MAGI1: variants seen among roughly 807,000 people sequenced by gnomAD.
MAGI1 encodes membrane associated guanylate kinase, WW and PDZ domain containing 1.
A neutral mutation model predicts 139.9 loss-of-function variants in MAGI1; 58 were observed. The observed-to-expected ratio is 0.41, with a 90% CI of 0.34 to 0.52. The LOEUF (loss-of-function observed/expected upper bound fraction) is 0.52, where lower values mean the gene tolerates loss of function less well. Among genes scored for constraint, MAGI1 ranks in the 20% least tolerant of loss-of-function variants. The probability of loss-of-function intolerance (pLI) is 0.12; values close to 1 mark genes in which losing one functional copy is unlikely to be tolerated. For missense variants in MAGI1, 1,874 were observed against 1,901.6 expected, an observed-to-expected ratio of 0.99 and a Z score of 0.27; for synonymous variants, 812 against 737.9, an observed-to-expected ratio of 1.10 and a Z score of -1.63.
At chr3:65,433,768 G>C (rs1205496427) in intron 10 of MAGI1, among the ~76,000 whole-genome samples, 3 of 151,878 alleles carry the variant, frequency 2.0e-5, no homozygotes, top group African/African-American at 7.3e-5. Context: ...ATGAACCTTA[G>C]GTGCATGTTT....
At chr3:65,539,301 T>C (rs1316740821) in intron 2 of MAGI1, among the ~76,000 whole-genome samples, 1 of 151,030 alleles carries the variant, frequency 6.6e-6, no homozygotes, top group East Asian at 2.0e-4. Flanking sequence ...CAGAAACAAA[T>C]ACCAGCTACT....
intron 1 of MAGI1, among the ~76,000 whole-genome samples, chr3:65,984,424 T>C (rs1308766837): frequency 6.6e-6 from 1 of 152,138 alleles, no homozygotes; most frequent in Non-Finnish European, 1.5e-5. Context: ...ATGTAAGTGC[T>C]TCATGGAACT....
At chr3:65,529,410 C>T (rs2078534103) in intron 2 of MAGI1, among the ~76,000 whole-genome samples, 1 of 152,072 alleles carries the variant, frequency 6.6e-6, no homozygotes, top group Non-Finnish European at 1.5e-5. Context: ...TATGAATTTG[C>T]TTATTCTGGA....
At chr3:65,498,069 G>A (rs187394364) in intron 2 of MAGI1, among the ~76,000 whole-genome samples, 40 of 152,230 alleles carry the variant, frequency 2.6e-4, no homozygotes, top group Admixed American at 2.2e-3. Context: ...CGAGGGAGGG[G>A]ACCCCGCCTT....
At chr3:65,581,765 C>A (rs916907737) in intron 2 of MAGI1, among the ~76,000 whole-genome samples, 4 of 152,178 alleles carry the variant, frequency 2.6e-5, no homozygotes, top group African/African-American at 9.7e-5. Context: ...TTTCCATTCA[C>A]AGGCATTATC....
intron 2 of MAGI1, among the ~76,000 whole-genome samples, chr3:65,578,419 A>C (rs941649469): frequency 3.9e-5 from 6 of 152,222 alleles, no homozygotes; most frequent in African/African-American, 1.4e-4. Flanking sequence ...TATAGAGAAG[A>C]TATCAGAAAA....
chr3:65,361,419 A>G (rs1353209580), intron 21 of MAGI1, 82 bp from the exon 22 acceptor site: 3 of 1,423,010 alleles, frequency 2.1e-6, no homozygotes, highest in Admixed American at 1.8e-5. Context: ...GTGGCAGAAC[A>G]TCTATTGCTT....
rs1220695462 is a variant in MAGI1, at chr3:65,470,284, C to A, written c.958G>T (p.Asp320Tyr). 6.3e-7 allele frequency: 1 copy of A among 1,592,380 alleles called. No homozygotes were observed. The highest frequency in any genetic ancestry group is 8.6e-7 in the Non-Finnish European group (1 of 1,160,730). The change falls in exon 5 of 23, where the codon GAC becomes TAC. Residue 320 changes from aspartate (D) to tyrosine (Y), a missense_variant and splice_region_variant. Asp to Tyr is a radical substitution (Grantham distance 160). Around this residue, in one of 5 missense-constraint regions of MAGI1, gnomAD observed 648 missense variants for 598.1 expected, o/e 1.08. Coordinates refer to ENST00000402939, the MANE Select transcript of MAGI1 (RefSeq NM_001033057.2). ...GGTAGAAATAATGGTATACTTTACT[C>A]TATAAAATAGACTTCTCCATTTTCA... is the stretch of plus-strand genomic sequence containing the variant. Reference protein sequence around the residue: ...YTENGEVYFIDHNTKTTSWLD... With the variant: ...YTENGEVYFIYHNTKTTSWLD...
intron 2 of MAGI1, among the ~76,000 whole-genome samples, chr3:65,570,073 CATTATT>C (rs57902043): frequency 0.22 from 30,573 of 135,914 alleles, 3,776 homozygotes; most frequent in Non-Finnish European, 0.28. Flanking sequence ...TCTTTATTAT[CATTATT>C]ATTATTATTA....
chr3:65,598,280 A>G (rs1168521266), intron 2 of MAGI1, among the ~76,000 whole-genome samples: 1 of 152,040 alleles, frequency 6.6e-6, no homozygotes, highest in Non-Finnish European at 1.5e-5. Flanking sequence ...GGTCCCCATC[A>G]CCCGCATGGC....
chr3:65,840,084 C>T (rs2058754308), intron 1 of MAGI1, among the ~76,000 whole-genome samples: 1 of 151,766 alleles, frequency 6.6e-6, no homozygotes, highest in Non-Finnish European at 1.5e-5. Flanking sequence ...ATAGAAATAG[C>T]ATTGATTTTT....
Position 65,923,699 on chromosome 3 carries a change from C to T in MAGI1, c.313+114297G>A, listed in dbSNP as rs558412400. The stretch of plus-strand genomic sequence containing the variant: ...AGTGAGATGAGAGTTAACAAGGAGA[C>T]ATTAAGGCTGCTATGGGAGATAAGA... On this transcript the variant is annotated intron_variant, in intron 1 of 22. Coordinates refer to ENST00000402939, the MANE Select transcript of MAGI1 (RefSeq NM_001033057.2). Among the ~76,000 whole-genome samples the T allele has an allele frequency of 2.4e-3, 361 of 152,234 alleles. 2 individuals are homozygous for T. Among genetic ancestry groups the T allele is most frequent in the Non-Finnish European group, 4.1e-3 (278 of 68,014 alleles).
intron 1 of MAGI1, among the ~76,000 whole-genome samples, chr3:65,828,932 G>A (rs1469312501): frequency 6.6e-6 from 1 of 152,284 alleles, no homozygotes; most frequent in Non-Finnish European, 1.5e-5. Context: ...GTGGGTGGCC[G>A]CTAGAGGCTG....
At chr3:65,681,443 T>G (rs527308264) in intron 1 of MAGI1, among the ~76,000 whole-genome samples, 1 of 152,358 alleles carries the variant, frequency 6.6e-6, no homozygotes, top group South Asian at 2.1e-4. Context: ...TATATCATTT[T>G]TTTACTCTAA....
Position 65,850,821 on chromosome 3 carries a change from C to T in MAGI1, c.313+187175G>A, listed in dbSNP as rs148713484. Among the ~76,000 whole-genome samples, 215 of 152,198 alleles carry T rather than the reference C, an allele frequency of 1.4e-3. 2 individuals carry two copies. The highest frequency in any genetic ancestry group is 5.0e-3 in the African/African-American group (209 of 41,524). On this transcript the variant is annotated intron_variant, in intron 1 of 22. Transcript: ENST00000402939. The stretch of plus-strand genomic sequence containing the variant: ...GGCTACCTTTATTTTAAAAATATGC[C>T]TCAAGCACGGCGTGGTGGCTCACAC...
chr3:65,691,216 T>C (rs2088605875), intron 1 of MAGI1, among the ~76,000 whole-genome samples: 1 of 148,612 alleles, frequency 6.7e-6, no homozygotes, highest in African/African-American at 2.5e-5. Context: ...GGCAGGAGAA[T>C]GGTGTGAACC....
intron 1 of MAGI1, among the ~76,000 whole-genome samples, chr3:65,719,032 A>T (rs1446891120): frequency 6.6e-6 from 1 of 151,672 alleles, no homozygotes; most frequent in East Asian, 1.9e-4. Flanking sequence ...AAAAAAAAAA[A>T]AAAAGACACA....
chr3:65,988,958 G>C (rs1378446891), intron 1 of MAGI1, among the ~76,000 whole-genome samples: 2 of 152,090 alleles, frequency 1.3e-5, no homozygotes, highest in African/African-American at 2.4e-5. Flanking sequence ...GATATGCCTG[G>C]TAAGGATTAG....
intron 1 of MAGI1, among the ~76,000 whole-genome samples, chr3:65,747,036 A>C (rs1249447933): frequency 6.6e-6 from 1 of 152,180 alleles, no homozygotes; most frequent in East Asian, 1.9e-4. Flanking sequence ...CGTGGTGGCC[A>C]ATGTCTGACA....
Sources: gnomAD v4.1 joint callset for allele counts (sites outside exome capture counted in the v4.1 genomes callset) on GRCh38, gnomAD v4.1.1 for gene constraint, gnomAD v4.1.1 regional missense constraint, MANE v1.5 for transcripts, NCBI Gene and HGNC (gene_info 2026-07-23, HGNC 2026-07-21) for gene names.